NEXMIF: variants seen among roughly 807,000 people sequenced by gnomAD.
NEXMIF encodes XLMR protein related to neurite extension.
A neutral mutation model predicts 62.1 loss-of-function variants in NEXMIF; 8 were observed. The ratio of observed to expected loss-of-function variants is 0.13; its 90% CI spans 0.08 to 0.23. The LOEUF (loss-of-function observed/expected upper bound fraction) is 0.23, where lower values mean the gene tolerates loss of function less well. NEXMIF is among the 10% of genes least tolerant of loss of function. NEXMIF has a pLI of 1.00. For synonymous variants in NEXMIF, 404 were observed against 416.6 expected (o/e 0.97, Z 0.37); for missense variants, 976 against 1,113.3 (o/e 0.88, Z 1.75).
chrX:74,862,998 C>T (rs1193498713), intron 1 of NEXMIF, among the ~76,000 whole-genome samples: 6 of 110,038 alleles, frequency 5.5e-5, no homozygotes, highest in Non-Finnish European at 1.1e-4. Context: ...TGGTGAAACT[C>T]GGTCCCTACA....
intron 3 of NEXMIF, among the ~76,000 whole-genome samples, chrX:74,739,807 C>T (rs1013035112): frequency 9.0e-6 from 1 of 110,612 alleles, no homozygotes; most frequent in Admixed American, 9.8e-5. Flanking sequence ...TATTTTAATT[C>T]TATTTTCTTA....
chrX:74,902,576 G>A (rs781346952), intron 1 of NEXMIF, among the ~76,000 whole-genome samples: 1 of 110,475 alleles, frequency 9.1e-6, no homozygotes, highest in African/African-American at 3.3e-5. Context: ...AGCTCTTCTG[G>A]GCTCATGTAT....
intron 1 of NEXMIF, among the ~76,000 whole-genome samples, chrX:74,906,178 C>A (rs1161250641): frequency 2.8e-5 from 3 of 108,664 alleles, no homozygotes; most frequent in African/African-American, 1.0e-4. Context: ...GAGGCTGAGG[C>A]AGGAGGATCC....
intron 1 of NEXMIF, among the ~76,000 whole-genome samples, chrX:74,756,306 T>C (rs1007384872): frequency 3.6e-5 from 4 of 112,123 alleles, no homozygotes; most frequent in Non-Finnish European, 1.9e-5. Flanking sequence ...TGGCTACTTA[T>C]ATATGGGGAA....
At chrX:74,843,198 G>A (rs186750698) in intron 1 of NEXMIF, among the ~76,000 whole-genome samples, 116 of 111,610 alleles carry the variant, frequency 1.0e-3, no homozygotes, top group South Asian at 7.2e-3. Flanking sequence ...AGATTTTCTC[G>A]TTGAATTGAA....
intron 1 of NEXMIF, among the ~76,000 whole-genome samples, chrX:74,809,810 T>C (rs1037723311): frequency 4.5e-5 from 5 of 111,824 alleles, no homozygotes; most frequent in African/African-American, 1.6e-4. Context: ...CATACTTGCA[T>C]CTTGTGTGAT....
intron 1 of NEXMIF, among the ~76,000 whole-genome samples, chrX:74,888,331 G>T (rs1177148534): frequency 9.2e-6 from 1 of 108,513 alleles, no homozygotes; most frequent in Non-Finnish European, 1.9e-5. Flanking sequence ...AGAAAATGTG[G>T]CACATATACA....
intron 1 of NEXMIF, among the ~76,000 whole-genome samples, chrX:74,848,084 C>T (rs866554145): frequency 1.4e-4 from 16 of 111,372 alleles, no homozygotes; most frequent in South Asian, 7.5e-4. Flanking sequence ...TTCCCATAGA[C>T]AAAAAAATCC....
Position 74,739,295 on chromosome X carries a change from A to G in NEXMIF, c.*110T>C. On this transcript the variant is annotated 3_prime_UTR_variant, in exon 4 of 4. Coordinates refer to ENST00000055682, the MANE Select transcript of NEXMIF (RefSeq NM_001008537.3). ...AGTCTTTTACATAGAACATGAGATT[A>G]AAGTTTGCTCCAAAGACGTATTCCC... 4.0e-6 allele frequency: 2 copies of G among 494,647 alleles called. No homozygotes were observed. Among genetic ancestry groups the G allele is most frequent in the South Asian group, 3.7e-5 (1 of 26,774 alleles). The allele number at this position is 494,647 out of a possible 1,213,427, so 40.8% of individuals were successfully genotyped here.
chrX:74,767,110 C>T (rs1203298275), intron 1 of NEXMIF, among the ~76,000 whole-genome samples: 5 of 112,555 alleles, frequency 4.4e-5, no homozygotes, highest in Non-Finnish European at 9.4e-5. Context: ...CAACCTGCCC[C>T]TCCCACTGGG....
At chrX:74,824,514 T>C (rs1213026807) in intron 1 of NEXMIF, among the ~76,000 whole-genome samples, 2 of 112,446 alleles carry the variant, frequency 1.8e-5, no homozygotes, top group African/African-American at 6.5e-5. Context: ...CATTTATTCC[T>C]TGATGGACAC....
At chrX:74,922,533 C>T (rs1336109932) in intron 1 of NEXMIF, among the ~76,000 whole-genome samples, 1 of 112,126 alleles carries the variant, frequency 8.9e-6, no homozygotes, top group East Asian at 2.8e-4. Context: ...CTTTAAATGA[C>T]TTTCTCTAGC....
rs1334149253 is a variant in NEXMIF, at chrX:74,919,924, T to C, written c.-48+4959A>G. Among the ~76,000 whole-genome samples the C allele has an allele frequency of 2.7e-5, 3 of 110,814 alleles. No homozygotes were observed. In the East Asian group the frequency reaches 8.9e-4, roughly 33 times the overall value. On this transcript the variant is annotated intron_variant, in intron 1 of 3. Coordinates refer to ENST00000055682, the MANE Select transcript of NEXMIF (RefSeq NM_001008537.3). ...GTTTACTGAGAATGATGATTTCCAA[T>C]TTCATCCATGTCCCTACAAAGGACA...
chrX:74,888,736 C>G (rs1476648756), intron 1 of NEXMIF, among the ~76,000 whole-genome samples: 1 of 111,841 alleles, frequency 8.9e-6, no homozygotes, highest in African/African-American at 3.2e-5. Context: ...TGATGTCAAA[C>G]ATTTTCAAGT....
intron 1 of NEXMIF, among the ~76,000 whole-genome samples, chrX:74,747,260 G>C (rs1480028318): frequency 5.4e-5 from 6 of 111,458 alleles, no homozygotes; most frequent in Non-Finnish European, 9.4e-5. Context: ...TATCCCTTAT[G>C]TCTATAGTTA....
At position 74,740,645 on chromosome X, in the gene NEXMIF, G is replaced by A; in HGVS notation, c.3912C>T (p.Ser1304=). 1 of 1,211,821 alleles carries A rather than the reference G, an allele frequency of 8.3e-7. No homozygotes were observed. The highest frequency in any genetic ancestry group is 1.1e-6 in the Non-Finnish European group (1 of 895,457). Residue 1304 remains serine (S), a synonymous_variant, in exon 3 of 4, where the codon AGC becomes AGT. Coordinates refer to ENST00000055682, the MANE Select transcript of NEXMIF (RefSeq NM_001008537.3). ...SDMSMGTNTN[S]LLDDDQREFQ... is the part of the protein sequence containing the mutation. ...ATTCCCGTTGGTCATCATCCAGAAG[G>A]CTGTTGGTGTTGGTGCCCATGCTCA...
intron 1 of NEXMIF, among the ~76,000 whole-genome samples, chrX:74,802,303 T>A (rs1296445795): frequency 2.7e-5 from 3 of 111,226 alleles, no homozygotes; most frequent in Admixed American, 9.6e-5. Flanking sequence ...GTCCTAGTGG[T>A]GGTGGTCACG....
intron 1 of NEXMIF, among the ~76,000 whole-genome samples, chrX:74,881,363 A>C (rs930627666): frequency 4.4e-5 from 4 of 91,510 alleles, no homozygotes; most frequent in Admixed American, 3.8e-4. Flanking sequence ...TAAATGGATA[A>C]ATTCCAACAC....
rs1484721021 is a variant in NEXMIF at position 74,876,766 on chromosome X, G to T, written c.-48+48117C>A. 1.8e-4 allele frequency among the ~76,000 whole-genome samples: 18 copies of T among 100,801 alleles called. No homozygotes were observed. In the Middle Eastern group the frequency reaches 0.019, roughly 108 times the overall value. 87.5% of individuals were successfully genotyped at this position (100,801 alleles called of 115,157 possible). A position where few individuals can be genotyped will look rare whatever the true frequency, so the allele number is the denominator to read the frequency against. ...TGTAATGGCCTTCTTTGTCTCTTTT[G>T]ATCTTTGTTGGTTTAAAGTCTGTTT... On this transcript the variant is annotated intron_variant, in intron 1 of 3. Coordinates refer to ENST00000055682, the MANE Select transcript of NEXMIF (RefSeq NM_001008537.3).
Sources: allele counts gnomAD v4.1 joint callset (sites outside exome capture counted in the v4.1 genomes callset), GRCh38; gene constraint gnomAD v4.1.1; transcripts MANE v1.5; gene names NCBI Gene and HGNC (gene_info 2026-07-23, HGNC 2026-07-21).